The following CSF1R variants were observed in gnomAD, a reference collection of about 807,000 sequenced individuals.
CSF1R encodes the protein colony stimulating factor 1 receptor.
Under a neutral mutation model 110.0 loss-of-function variants are expected in CSF1R, and 40 were observed. The observed-to-expected ratio is 0.36, with a 90% CI of 0.28 to 0.47. The LOEUF is 0.47. Ranked by LOEUF, CSF1R falls within the 20% of genes least tolerant of loss-of-function variation. The pLI, the probability that CSF1R is intolerant of heterozygous loss-of-function variation, is 0.99. For missense variants in CSF1R, 1,052 were observed against 1,253.0 expected, an observed-to-expected ratio of 0.84 and a Z score of 2.42; for synonymous variants, 523 against 503.4, an observed-to-expected ratio of 1.04 and a Z score of -0.52.
intron 1 of CSF1R, among the ~76,000 whole-genome samples, chr5:150,099,999 T>A (rs1052301738): frequency 1.6e-4 from 25 of 152,120 alleles, no homozygotes; most frequent in African/African-American, 5.3e-4. Flanking sequence ...ATAAAGATAG[T>A]TAAGACAGTT....
intron 1 of CSF1R, among the ~76,000 whole-genome samples, chr5:150,093,090 G>A (rs1048142057): frequency 6.6e-6 from 1 of 152,064 alleles, no homozygotes; most frequent in Non-Finnish European, 1.5e-5. Flanking sequence ...TTTCTTGTTT[G>A]TTTTTTGAGA....
chr5:150,095,737 G>GA (rs1044038826), intron 1 of CSF1R, among the ~76,000 whole-genome samples: 1 of 114,528 alleles, frequency 8.7e-6, no homozygotes, highest in Non-Finnish European at 1.9e-5. Flanking sequence ...TTTTTCACTG[G>GA]AAAAAAAAGT....
chr5:150,108,388 C>T (rs993304418), intron 1 of CSF1R, among the ~76,000 whole-genome samples: 14 of 152,074 alleles, frequency 9.2e-5, no homozygotes, highest in African/African-American at 3.4e-4. Context: ...GCTAGTGGCC[C>T]ACACAAGGTG....
chr5:150,112,924 C>G (rs941483545), intron 1 of CSF1R, among the ~76,000 whole-genome samples: 2 of 152,190 alleles, frequency 1.3e-5, no homozygotes, highest in African/African-American at 4.8e-5. Context: ...TGCCGTTTCC[C>G]CAGCTCAGAG....
chr5:150,058,784 G>A (rs1757367584), intron 14 of CSF1R, among the ~76,000 whole-genome samples: 1 of 151,930 alleles, frequency 6.6e-6, no homozygotes, highest in Non-Finnish European at 1.5e-5. Context: ...TGAGGGCGCA[G>A]TGTACACCCT....
intron 1 of CSF1R, among the ~76,000 whole-genome samples, chr5:150,112,803 AT>A (rs1167853047): frequency 6.6e-6 from 1 of 152,108 alleles, no homozygotes; most frequent in African/African-American, 2.4e-5. Flanking sequence ...GAGCTGTCCC[AT>A]GGCTCCATTC....
intron 10 of CSF1R, among the ~76,000 whole-genome samples, chr5:150,067,402 G>C (rs1320319782): frequency 6.6e-6 from 1 of 152,204 alleles, no homozygotes; most frequent in Non-Finnish European, 1.5e-5. Flanking sequence ...AAGGGCAACT[G>C]TCCCAACCTC....
At chr5:150,106,148 C>T (rs1759550151) in intron 1 of CSF1R, among the ~76,000 whole-genome samples, 1 of 152,232 alleles carries the variant, frequency 6.6e-6, no homozygotes, top group African/African-American at 2.4e-5. Context: ...TGCCATGGGA[C>T]TCAGTGGGGT....
At chr5:150,092,949 C>T (rs1759093779) in intron 1 of CSF1R, among the ~76,000 whole-genome samples, 1 of 152,094 alleles carries the variant, frequency 6.6e-6, no homozygotes, top group Non-Finnish European at 1.5e-5. Flanking sequence ...TCTCAAAGTA[C>T]CTTCATATTT....
Position 150,080,263 on chromosome 5 carries a change from A to C in CSF1R, c.381T>G (p.Cys127Trp). ...CTTCCAGCACCGGGTCTGTGAGCAGACAGGGCAGTAGTGCGTCCTGGTCCT... is the reference window on the plus strand; with the variant it reads ...CTTCCAGCACCGGGTCTGTGAGCAGCCAGGGCAGTAGTGCGTCCTGGTCCT... The part of the protein sequence containing the change: ...VFEDQDALLP[C>W]LLTDPVLEAG... Residue 127 changes from cysteine (C) to tryptophan (W), a missense_variant, in exon 3 of 21, where the codon TGT (cysteine) becomes TGG (tryptophan). Transcript: ENST00000675795. The C allele has an allele frequency of 6.2e-7, 1 of 1,614,020 alleles. No individual in the cohort carries two copies. Among genetic ancestry groups the C allele is most frequent in the Non-Finnish European group, 8.5e-7 (1 of 1,180,046 alleles).
At chr5:150,082,761 C>G (rs1291476626) in intron 1 of CSF1R, among the ~76,000 whole-genome samples, 2 of 152,206 alleles carry the variant, frequency 1.3e-5, no homozygotes, top group Non-Finnish European at 2.9e-5. Context: ...ATAATCCCAG[C>G]TCCCACCCCA....
chr5:150,107,245 G>A (rs765845305), intron 1 of CSF1R, among the ~76,000 whole-genome samples: 1 of 152,240 alleles, frequency 6.6e-6, no homozygotes, highest in Non-Finnish European at 1.5e-5. Flanking sequence ...GGACCTCACC[G>A]CCTGGTGGGA....
chr5:150,067,674 T>A (rs1394091169), intron 10 of CSF1R, among the ~76,000 whole-genome samples: 1 of 152,134 alleles, frequency 6.6e-6, no homozygotes, highest in African/African-American at 2.4e-5. Flanking sequence ...ACCATGTGCT[T>A]CTTAGGGCAG....
rs1757958113 is a variant in CSF1R at position 150,069,907 on chromosome 5, C to A, written c.1476G>T (p.Gly492=). ...TGGGTATGAAGGCCCAGGAGCCACT[C>A]CCCACGCTGTTGTGGGCCCTGCACT... ...TYECRAHNSV[G]SGSWAFIPIS... The change falls in exon 9 of 21, where the codon GGG becomes GGT. Residue 492 remains glycine (G), a synonymous_variant. Coordinates refer to ENST00000675795, the MANE Select transcript of CSF1R (RefSeq NM_001288705.3). 6.2e-7 allele frequency: 1 copy of A among 1,613,678 alleles called. No homozygotes were observed. The highest frequency in any genetic ancestry group is 8.5e-7 in the Non-Finnish European group (1 of 1,179,866).
chr5:150,086,171 C>A (rs1003951880), intron 1 of CSF1R, among the ~76,000 whole-genome samples: 6 of 152,136 alleles, frequency 3.9e-5, no homozygotes, highest in Non-Finnish European at 2.9e-5. Flanking sequence ...TGGGACAGAT[C>A]CACAGCACCA....
At chr5:150,064,228 T>C (rs1397265780) in intron 10 of CSF1R, among the ~76,000 whole-genome samples, 14 of 152,168 alleles carry the variant, frequency 9.2e-5, no homozygotes. Context: ...GGGATCCATA[T>C]TCCAAAGCTC....
At chr5:150,094,022 C>T (rs1387797274) in intron 1 of CSF1R, among the ~76,000 whole-genome samples, 3 of 149,236 alleles carry the variant, frequency 2.0e-5, no homozygotes, top group Non-Finnish European at 4.4e-5. Flanking sequence ...AAGATCAAGC[C>T]ATTGCACTTT....
intron 9 of CSF1R, among the ~76,000 whole-genome samples, chr5:150,069,286 C>A (rs923388950): frequency 1.3e-5 from 2 of 152,184 alleles, no homozygotes; most frequent in Admixed American, 1.3e-4. Flanking sequence ...CTCTGAGAAT[C>A]ACAGAACTAG....
chr5:150,110,475 A>G (rs976576691), intron 1 of CSF1R, among the ~76,000 whole-genome samples: 1 of 152,220 alleles, frequency 6.6e-6, no homozygotes, highest in African/African-American at 2.4e-5. Context: ...TTGGTTAAAT[A>G]ATGTCTGGCA....
Sources: gnomAD v4.1 joint callset for allele counts (sites outside exome capture counted in the v4.1 genomes callset) on GRCh38, gnomAD v4.1.1 for gene constraint, MANE v1.5 for transcripts, NCBI Gene and HGNC (gene_info 2026-07-23, HGNC 2026-07-21) for gene names.